The following PCDHA3 variants were observed in gnomAD, a reference collection of about 807,000 sequenced individuals.
PCDHA3 encodes the protein protocadherin alpha 3.
PCDHA3 carries 41 observed loss-of-function variants against 62.2 expected under a neutral mutation model. That is an observed-to-expected ratio of 0.66 (90% CI 0.51 to 0.86). The LOEUF is 0.86. PCDHA3 is among the 40% of genes least tolerant of loss of function. The pLI is 0.00. For synonymous variants in PCDHA3, 640 were observed against 555.4 expected (o/e 1.15, Z -2.14); for missense variants, 1,304 against 1,241.2 (o/e 1.05, Z -0.76).
intron 1 of PCDHA3, among the ~76,000 whole-genome samples, chr5:140,942,596 A>G (rs116159999): frequency 2.2e-4 from 31 of 142,420 alleles, no homozygotes; most frequent in Admixed American, 2.0e-3. Flanking sequence ...ACATATAATT[A>G]TAGTGTTTAT....
chr5:140,870,678 G>C (rs1304914174), intron 1 of PCDHA3: 1 of 1,612,626 alleles, frequency 6.2e-7, no homozygotes, highest in African/African-American at 1.3e-5. Context: ...TGGACCACGA[G>C]GAGCTGGAGC....
intron 3 of PCDHA3, among the ~76,000 whole-genome samples, chr5:140,994,709 A>C (rs1436733940): frequency 6.6e-6 from 1 of 152,166 alleles, no homozygotes; most frequent in Non-Finnish European, 1.5e-5. Flanking sequence ...TGTCTCAAAA[A>C]AAAATTTAAA....
At chr5:140,852,612 C>T (rs1177069451) in intron 1 of PCDHA3, 3 of 914,508 alleles carry the variant, frequency 3.3e-6, no homozygotes, top group Non-Finnish European at 4.0e-6. Context: ...TCTTTCAAAA[C>T]TTGAGTGGTC....
intron 3 of PCDHA3, among the ~76,000 whole-genome samples, chr5:141,000,421 A>ATATAT (rs1265241806): frequency 3.6e-5 from 1 of 27,980 alleles, no homozygotes; most frequent in East Asian, 1.4e-3. Flanking sequence ...ATATATATAT[A>ATATAT]TTTTTTTTTT....
chr5:140,970,748 A>G (rs2096429835), intron 1 of PCDHA3, among the ~76,000 whole-genome samples: 1 of 152,130 alleles, frequency 6.6e-6, no homozygotes, highest in African/African-American at 2.4e-5. Context: ...TTTGCAATAT[A>G]TTTTCATTGA....
chr5:140,911,223 G>A (rs1305979222), intron 1 of PCDHA3, among the ~76,000 whole-genome samples: 1 of 152,148 alleles, frequency 6.6e-6, no homozygotes, highest in Non-Finnish European at 1.5e-5. Flanking sequence ...TGAGAAAGCT[G>A]TTTCTTCTGG....
chr5:140,834,224 G>T (rs1183428417), intron 1 of PCDHA3: 6 of 695,532 alleles, frequency 8.6e-6, no homozygotes, highest in Non-Finnish European at 1.4e-5. Context: ...ATCAGCAAAA[G>T]GAAGTCATTC....
chr5:140,944,582 C>T (rs1273246926), intron 1 of PCDHA3, among the ~76,000 whole-genome samples: 1 of 152,146 alleles, frequency 6.6e-6, no homozygotes, highest in Non-Finnish European at 1.5e-5. Flanking sequence ...GAGATCACTT[C>T]AGAATTTCCC....
At chr5:140,807,687 T>A (rs782423945) in intron 1 of PCDHA3, 1 of 1,614,228 alleles carries the variant, frequency 6.2e-7, no homozygotes, top group East Asian at 2.2e-5. Flanking sequence ...GAGAACGCCC[T>A]GCTCACTTAC....
rs1237134609 is a variant in PCDHA3 at position 141,011,353 on chromosome 5, A to T, written c.*1416A>T. 6.5e-6 allele frequency: 1 copy of T among 153,692 alleles called. No homozygotes were observed. The highest frequency in any genetic ancestry group is 1.5e-5 in the Non-Finnish European group (1 of 68,032). The allele number at this position is 153,692 out of a possible 1,614,324, so 9.5% of individuals were successfully genotyped here. On this transcript the variant is annotated 3_prime_UTR_variant, in exon 4 of 4. Coordinates refer to ENST00000522353, the MANE Select transcript of PCDHA3 (RefSeq NM_018906.3). ...ATGTTACCTGAAATCAATCTCCCAT[A>T]TGTATGCTGTATGCTATGCTAAGAC...
chr5:140,894,569 C>CT (rs556288790), intron 1 of PCDHA3, among the ~76,000 whole-genome samples: 36 of 151,446 alleles, frequency 2.4e-4, no homozygotes, highest in African/African-American at 7.5e-4. Context: ...AATTATTTTC[C>CT]TTTTTTTTAA....
intron 1 of PCDHA3, among the ~76,000 whole-genome samples, chr5:140,943,778 G>A (rs1554215923): frequency 6.6e-6 from 1 of 152,242 alleles, no homozygotes; most frequent in African/African-American, 2.4e-5. Flanking sequence ...AAACTAGGAA[G>A]TGGTCCTTTA....
At chr5:140,840,330 G>A (rs1554137772) in intron 1 of PCDHA3, among the ~76,000 whole-genome samples, 1 of 151,878 alleles carries the variant, frequency 6.6e-6, no homozygotes, top group African/African-American at 2.4e-5. Flanking sequence ...TCATTTTCTA[G>A]GCAATGTTAG....
chr5:140,919,694 ATTAAC>A (rs1313954013), intron 1 of PCDHA3, among the ~76,000 whole-genome samples: 5 of 152,200 alleles, frequency 3.3e-5, no homozygotes, highest in Non-Finnish European at 7.3e-5. Context: ...TCAGATTTAT[ATTAAC>A]TTAATTCTAG....
In PCDHA3 at chr5:140,844,771, C is replaced by A. The variant is rs1035379460; in HGVS notation, c.2394+41180C>A. 3.4e-5 allele frequency among the ~76,000 whole-genome samples: 5 copies of A among 149,070 alleles called. 1 individual carries two copies. Among genetic ancestry groups the A allele is most frequent in the African/African-American group, 7.4e-5 (3 of 40,720 alleles). On this transcript the variant is annotated intron_variant, in intron 1 of 3. Coordinates refer to ENST00000522353, the MANE Select transcript of PCDHA3 (RefSeq NM_018906.3). Reference sequence around the variant, plus strand: ...ATAAATCTTTGAAAAATCCAAGATACTTTATTTTGGTATCTTTCAACATTT... The same window carrying A: ...ATAAATCTTTGAAAAATCCAAGATAATTTATTTTGGTATCTTTCAACATTT...
rs576037609 is a variant in PCDHA3, at chr5:140,856,982, A to C, written c.2394+53391A>C. 1.2e-5 allele frequency: 19 copies of C among 1,595,040 alleles called. 1 individual carries two copies. In the South Asian group the frequency reaches 1.9e-4, roughly 16 times the overall value. ...AAATGATGCTATTGACTTTGAGGAC[A>C]GTAACACTTATGAAATTCATGTAGA... is the stretch of plus-strand genomic sequence containing the variant. On this transcript the variant is annotated intron_variant, in intron 1 of 3. Transcript: ENST00000522353.
Position 140,884,599 on chromosome 5 carries a change from T to C in PCDHA3, c.2394+81008T>C, listed in dbSNP as rs1490825306. 3 of 1,614,042 alleles carry C rather than the reference T, an allele frequency of 1.9e-6. No homozygotes were observed. In the East Asian group the frequency reaches 6.7e-5, roughly 36 times the overall value. ...TCATGGCCTTCAGTCCCAGCCTTCC[T>C]CCTTGTCTGGGTTCTGCAGAGGGAA... On this transcript the variant is annotated intron_variant, in intron 1 of 3. Transcript: ENST00000522353.
intron 1 of PCDHA3, chr5:140,884,166 C>T: frequency 1.2e-6 from 2 of 1,613,430 alleles, no homozygotes; most frequent in Non-Finnish European, 1.7e-6. Context: ...GAGATCAGCA[C>T]GACGCGCCCT....
In PCDHA3 at chr5:140,979,026, A is replaced by AT. The variant is rs2096832382; in HGVS notation, c.2453+21dup. On this transcript the variant is annotated intron_variant, in intron 2 of 3. Coordinates refer to ENST00000522353, the MANE Select transcript of PCDHA3 (RefSeq NM_018906.3). ...TGCACAGGTATGTATTTCCCTCCTC[A>AT]TTCACTCAGAAGTAACCTTAACTTG... 1 of 1,613,372 alleles carries AT rather than the reference A, an allele frequency of 6.2e-7. No homozygotes were observed. The highest frequency in any genetic ancestry group is 1.3e-5 in the African/African-American group (1 of 74,882).
Sources: allele counts gnomAD v4.1 joint callset (sites outside exome capture counted in the v4.1 genomes callset), GRCh38; gene constraint gnomAD v4.1.1; transcripts MANE v1.5; gene names NCBI Gene and HGNC (gene_info 2026-07-23, HGNC 2026-07-21).